SPMIP4: variants seen among roughly 807,000 people sequenced by gnomAD.
The protein encoded by SPMIP4 is sperm microtubule inner protein 4.
the SPMIP4 span, among the ~76,000 whole-genome samples, chr7:25,156,221 C>T: frequency 6.6e-6 from 1 of 151,976 alleles, no homozygotes; most frequent in Non-Finnish European, 1.5e-5. Flanking sequence ...CAAGGAGTGC[C>T]AAAGATCACC....
At chr7:25,131,335 T>C in the SPMIP4 span, among the ~76,000 whole-genome samples, 419 of 152,278 alleles carry the variant, frequency 2.8e-3, 1 homozygote, top group African/African-American at 9.6e-3. This position sits in a 1 kb window ranked among gnomAD's most constrained non-coding sequence, Gnocchi z 4.2. Context: ...AATGTAATAA[T>C]AATAGAAATA....
chr7:25,145,397 T>A, the SPMIP4 span, among the ~76,000 whole-genome samples: 5 of 152,246 alleles, frequency 3.3e-5, no homozygotes, highest in Non-Finnish European at 7.3e-5. Context: ...TGTGAAATTT[T>A]ACTGTAGCGT....
chr7:25,154,965 C>A, the SPMIP4 span: 1 of 1,521,570 alleles, frequency 6.6e-7, no homozygotes, highest in Non-Finnish European at 9.0e-7. Flanking sequence ...TGAAGAAATC[C>A]CAATAATAAG....
chr7:25,167,317 A>C, the SPMIP4 span, among the ~76,000 whole-genome samples: 6 of 152,244 alleles, frequency 3.9e-5, no homozygotes, highest in Non-Finnish European at 5.9e-5. Context: ...GTCTGACCCA[A>C]GGAAAGGTGC....
At chr7:25,172,626 TG>T in the SPMIP4 span, among the ~76,000 whole-genome samples, 1 of 152,110 alleles carries the variant, frequency 6.6e-6, no homozygotes, top group Non-Finnish European at 1.5e-5. This position sits in a 1 kb window ranked among gnomAD's most constrained non-coding sequence, Gnocchi z 4.2. Context: ...TTGTTTTAAG[TG>T]GAACCAGGAA....
At chr7:25,132,336 G>A in the SPMIP4 span, among the ~76,000 whole-genome samples, 1 of 152,168 alleles carries the variant, frequency 6.6e-6, no homozygotes, top group Admixed American at 6.5e-5. This position sits in a 1 kb window ranked among gnomAD's most constrained non-coding sequence, Gnocchi z 5.0. Flanking sequence ...AGTCGACCTA[G>A]GAAATCCAGC....
chr7:25,155,140 G>A, the SPMIP4 span: 1,001 of 1,610,882 alleles, frequency 6.2e-4, 3 homozygotes, highest in Non-Finnish European at 8.3e-4. Flanking sequence ...ATGGCGCCGC[G>A]ACAGATGTGT....
chr7:25,172,713 G>A, the SPMIP4 span, among the ~76,000 whole-genome samples: 1 of 152,258 alleles, frequency 6.6e-6, no homozygotes, highest in African/African-American at 2.4e-5. This position sits in a 1 kb window ranked among gnomAD's most constrained non-coding sequence, Gnocchi z 4.2. Flanking sequence ...TAAATTTGGA[G>A]GAATTCCACA....
the SPMIP4 span, chr7:25,136,720 C>T: frequency 1.4e-4 from 232 of 1,614,068 alleles, no homozygotes; most frequent in East Asian, 2.9e-3. The surrounding 1 kb of genome is among the most constrained non-coding windows in gnomAD (Gnocchi z 5.7). Context: ...CAGAGAACGT[C>T]GGTTCTGAAT....
At chr7:25,157,160 A>C in the SPMIP4 span, among the ~76,000 whole-genome samples, 1 of 152,246 alleles carries the variant, frequency 6.6e-6, no homozygotes, top group African/African-American at 2.4e-5. Context: ...GTAACAAAAG[A>C]AAGTGGTATT....
the SPMIP4 span, among the ~76,000 whole-genome samples, chr7:25,170,253 T>C: frequency 6.6e-6 from 1 of 152,246 alleles, no homozygotes; most frequent in African/African-American, 2.4e-5. Flanking sequence ...GGATGTGAAG[T>C]GGTATCTAAT....
chr7:25,140,421 C>T, the SPMIP4 span, among the ~76,000 whole-genome samples: 1 of 152,228 alleles, frequency 6.6e-6, no homozygotes, highest in Non-Finnish European at 1.5e-5. Flanking sequence ...CCCACCTTAG[C>T]CTCCTGAGTA....
chr7:25,155,901 G>A, the SPMIP4 span, among the ~76,000 whole-genome samples: 1 of 152,254 alleles, frequency 6.6e-6, no homozygotes, highest in Non-Finnish European at 1.5e-5. Context: ...ATAGAGAAAT[G>A]TTATTCATAA....
At chr7:25,151,125 C>T in the SPMIP4 span, among the ~76,000 whole-genome samples, 1 of 151,878 alleles carries the variant, frequency 6.6e-6, no homozygotes, top group Non-Finnish European at 1.5e-5. Flanking sequence ...TCCATAACTA[C>T]CAACAGCACA....
the SPMIP4 span, among the ~76,000 whole-genome samples, chr7:25,152,803 G>A: frequency 2.0e-5 from 3 of 146,946 alleles, no homozygotes; most frequent in East Asian, 6.0e-4. Flanking sequence ...GAGTGCAGTG[G>A]CATGATCTCA....
the SPMIP4 span, among the ~76,000 whole-genome samples, chr7:25,149,361 T>C: frequency 6.6e-6 from 1 of 152,052 alleles, no homozygotes; most frequent in East Asian, 1.9e-4. Flanking sequence ...TCCTAGAGAT[T>C]AGAGAGAAAA....
the SPMIP4 span, among the ~76,000 whole-genome samples, chr7:25,164,793 CT>C: frequency 6.6e-6 from 1 of 152,110 alleles, no homozygotes; most frequent in Non-Finnish European, 1.5e-5. Context: ...AACCTTCCCC[CT>C]GAGTCCCCAG....
the SPMIP4 span, chr7:25,135,508 A>G: frequency 1.0e-6 from 1 of 985,612 alleles, no homozygotes; most frequent in Non-Finnish European, 1.2e-6. Flanking sequence ...TGTCTTTTCT[A>G]CCTAATGCTA....
At chr7:25,173,651 A>G in the SPMIP4 span, among the ~76,000 whole-genome samples, 1 of 152,234 alleles carries the variant, frequency 6.6e-6, no homozygotes, top group African/African-American at 2.4e-5. This position sits in a 1 kb window ranked among gnomAD's most constrained non-coding sequence, Gnocchi z 4.4. Context: ...ATCAACAGAC[A>G]CGATTTGGGG....
Sources: allele counts gnomAD v4.1 joint callset (sites outside exome capture counted in the v4.1 genomes callset), GRCh38; gene constraint gnomAD v4.1.1; non-coding constraint Gnocchi (gnomAD v3.1); transcripts MANE v1.5; gene names NCBI Gene and HGNC (gene_info 2026-07-23, HGNC 2026-07-21).